Variants in SGCZ observed in about 807,000 individuals in gnomAD.
SGCZ encodes sarcoglycan zeta, also known as zeta-sarcoglycan.
In SGCZ, 40 loss-of-function variants were observed where a neutral mutation model predicts 41.3. That is an observed-to-expected ratio of 0.97 (90% CI 0.75 to 1.26). The LOEUF is 1.26. Among genes scored for constraint, SGCZ ranks in the 50% most tolerant of loss-of-function variants. SGCZ has a pLI of 0.00. For synonymous variants in SGCZ, 206 were observed against 137.5 expected (o/e 1.50, Z -3.49); for missense variants, 552 against 369.8 (o/e 1.49, Z -4.04).
intron 2 of SGCZ, among the ~76,000 whole-genome samples, chr8:14,480,538 G>A (rs1027991347): frequency 1.3e-5 from 2 of 151,870 alleles, no homozygotes; most frequent in Non-Finnish European, 1.5e-5. Context: ...TAACTACCAC[G>A]TAATTCTTTA....
intron 2 of SGCZ, among the ~76,000 whole-genome samples, chr8:14,349,947 C>G (rs1012323): frequency 0.045 from 6,816 of 152,070 alleles, 503 homozygotes; most frequent in African/African-American, 0.15. Context: ...AAATGTTTAA[C>G]TGTGTTTAAT....
chr8:15,050,068 A>G (rs986929465), intron 1 of SGCZ, among the ~76,000 whole-genome samples: 1 of 152,116 alleles, frequency 6.6e-6, no homozygotes, highest in Non-Finnish European at 1.5e-5. Flanking sequence ...GGCTGTGTAA[A>G]GGGGGAGAAT....
At position 14,090,599 on chromosome 8, in the gene SGCZ, T is replaced by A. The variant is rs760135341; in HGVS notation, c.783A>T (p.Leu261=). The A allele has an allele frequency of 1.2e-6, 2 of 1,612,532 alleles. No homozygotes were observed. The highest frequency in any genetic ancestry group is 2.2e-5 in the South Asian group (2 of 91,008). ...AAGAAGATGAGAAGGAGCCAGTTGG[T>A]AGATTTCCCAGCTTGATTGTCTCTG... ...LNAETIKLGN[L]PTGSFSSSSP... Residue 261 remains leucine (L), a synonymous_variant, in exon 8 of 8, where the codon CTA becomes CTT. Transcript: ENST00000382080.
At chr8:15,109,157 T>G (rs1806947840) in intron 1 of SGCZ, among the ~76,000 whole-genome samples, 1 of 152,158 alleles carries the variant, frequency 6.6e-6, no homozygotes, top group Non-Finnish European at 1.5e-5. Flanking sequence ...AAAATCTTGA[T>G]TTTTCTTGAT....
At chr8:14,350,865 T>C (rs1196271218) in intron 2 of SGCZ, among the ~76,000 whole-genome samples, 1 of 152,150 alleles carries the variant, frequency 6.6e-6, no homozygotes, top group Non-Finnish European at 1.5e-5. Flanking sequence ...TTTAAACATA[T>C]TTTGCTGAAA....
At chr8:15,147,379 A>C (rs60561765) in intron 1 of SGCZ, among the ~76,000 whole-genome samples, 4,019 of 152,234 alleles carry the variant, frequency 0.026, 162 homozygotes, top group African/African-American at 0.091. Context: ...CCCGGGTTCA[A>C]ACAATTCTCC....
chr8:14,594,177 AAAATAAATAAAT>A (rs147529594), intron 1 of SGCZ, among the ~76,000 whole-genome samples: 3,689 of 136,176 alleles, frequency 0.027, 81 homozygotes, highest in African/African-American at 0.056. Flanking sequence ...TCCATCTCAA[AAAATAAATAAAT>A]AAATAAATAA....
intron 2 of SGCZ, among the ~76,000 whole-genome samples, chr8:14,400,942 A>G (rs1799054466): frequency 6.6e-6 from 1 of 152,146 alleles, no homozygotes; most frequent in Non-Finnish European, 1.5e-5. Context: ...GTTTTGTTAA[A>G]TATGTTTCAA....
intron 1 of SGCZ, among the ~76,000 whole-genome samples, chr8:15,018,285 A>C (rs975392610): frequency 1.3e-5 from 2 of 152,196 alleles, no homozygotes; most frequent in African/African-American, 4.8e-5. Flanking sequence ...AAGATCAAAA[A>C]TAAACAAGAC....
chr8:14,494,418 T>C (rs1008118713), intron 2 of SGCZ, among the ~76,000 whole-genome samples: 2 of 152,154 alleles, frequency 1.3e-5, no homozygotes, highest in African/African-American at 4.8e-5. Flanking sequence ...AGTTTTATGA[T>C]GAGAGAAGAA....
At chr8:14,934,736 A>G (rs1179148592) in intron 1 of SGCZ, among the ~76,000 whole-genome samples, 1 of 151,746 alleles carries the variant, frequency 6.6e-6, no homozygotes, top group Non-Finnish European at 1.5e-5. Flanking sequence ...TTTAAATTCA[A>G]GAAGCCTAAA....
chr8:14,483,466 G>A (rs920459688), intron 2 of SGCZ, among the ~76,000 whole-genome samples: 18 of 152,308 alleles, frequency 1.2e-4, no homozygotes, highest in African/African-American at 3.6e-4. Context: ...AGCTACTTGG[G>A]AAGCTGAAGC....
chr8:14,243,163 G>C (rs1798951704), intron 3 of SGCZ, among the ~76,000 whole-genome samples: 1 of 152,196 alleles, frequency 6.6e-6, no homozygotes, highest in South Asian at 2.1e-4. Context: ...TATTCTGAAA[G>C]AACATCACTA....
intron 1 of SGCZ, among the ~76,000 whole-genome samples, chr8:15,070,844 A>G (rs962061059): frequency 6.6e-6 from 1 of 152,238 alleles, no homozygotes; most frequent in African/African-American, 2.4e-5. Context: ...TAGAAAAAGC[A>G]TAGGATTTGC....
At chr8:14,980,523 T>A (rs1801626079) in intron 1 of SGCZ, among the ~76,000 whole-genome samples, 1 of 152,136 alleles carries the variant, frequency 6.6e-6, no homozygotes, top group Admixed American at 6.5e-5. Flanking sequence ...AGAAAGAGGT[T>A]TAATTGGACT....
intron 1 of SGCZ, among the ~76,000 whole-genome samples, chr8:14,682,992 T>A (rs1467411376): frequency 6.6e-6 from 1 of 152,156 alleles, no homozygotes; most frequent in African/African-American, 2.4e-5. Flanking sequence ...CCATAGAAGA[T>A]GACCAGATAA....
intron 1 of SGCZ, among the ~76,000 whole-genome samples, chr8:15,178,093 G>A (rs1179811532): frequency 1.3e-5 from 2 of 152,052 alleles, no homozygotes; most frequent in Non-Finnish European, 2.9e-5. Flanking sequence ...ATTTCCCCAG[G>A]ACACTGCCTC....
intron 1 of SGCZ, among the ~76,000 whole-genome samples, chr8:14,869,065 G>C (rs963356845): frequency 2.6e-5 from 4 of 152,150 alleles, no homozygotes; most frequent in Admixed American, 2.0e-4. Flanking sequence ...CAGAAAAAAG[G>C]AACTCCTCCC....
At chr8:14,391,677 T>G (rs1804781349) in intron 2 of SGCZ, among the ~76,000 whole-genome samples, 1 of 152,114 alleles carries the variant, frequency 6.6e-6, no homozygotes, top group African/African-American at 2.4e-5. Flanking sequence ...CGCTTGGATT[T>G]AGGGATATAG....
Sources: allele counts gnomAD v4.1 joint callset (sites outside exome capture counted in the v4.1 genomes callset), GRCh38; gene constraint gnomAD v4.1.1; transcripts MANE v1.5; gene names NCBI Gene and HGNC (gene_info 2026-07-23, HGNC 2026-07-21).